The following EPHA6 variants were observed in gnomAD, a reference collection of about 807,000 sequenced individuals.
The protein encoded by EPHA6 is EPH receptor A6.
A neutral mutation model predicts 112.0 loss-of-function variants in EPHA6; 50 were observed. The ratio of observed to expected loss-of-function variants is 0.45; its 90% CI spans 0.36 to 0.56. EPHA6 has a LOEUF of 0.56. Among genes scored for constraint, EPHA6 ranks in the 20% least tolerant of loss-of-function variants. The pLI is 0.00. For synonymous variants in EPHA6, 529 were observed against 490.7 expected (o/e 1.08, Z -1.03); for missense variants, 1,280 against 1,417.4 (o/e 0.90, Z 1.56).
At position 96,814,757 on chromosome 3, in the gene EPHA6, G is replaced by A; in HGVS notation, c.134G>A (p.Arg45His). The change falls in exon 1 of 18, where the codon CGC (arginine) becomes CAC (histidine). Residue 45 changes from arginine to histidine, a missense_variant. By Grantham distance (29) the Arg-to-His change is conservative. Coordinates refer to ENST00000389672, the MANE Select transcript of EPHA6 (RefSeq NM_001080448.3). Reference protein sequence around the residue: ...CPVPGTSRRGRPGTPPAGRVE... With the variant: ...CPVPGTSRRGHPGTPPAGRVE... ...GTTCCCGGGACCTCGCGCAGGGGGC[G>A]CCCCGGGACACCCCCTGCGGGCCGG... 6.3e-7 allele frequency: 1 copy of A among 1,595,986 alleles called. No individual in the cohort carries two copies.
At chr3:97,046,105 A>C (rs1021527778) in intron 3 of EPHA6, among the ~76,000 whole-genome samples, 1 of 152,234 alleles carries the variant, frequency 6.6e-6, no homozygotes, top group African/African-American at 2.4e-5. Flanking sequence ...TAAGCTTAAC[A>C]CCTACTTTAC....
intron 3 of EPHA6, among the ~76,000 whole-genome samples, chr3:97,119,973 C>T (rs1034919064): frequency 3.9e-5 from 6 of 151,982 alleles, no homozygotes; most frequent in Admixed American, 3.3e-4. Context: ...GAGTTGCAGC[C>T]TTGTCTCATA....
chr3:97,489,911 A>G (rs1351213391), intron 10 of EPHA6, among the ~76,000 whole-genome samples: 1 of 152,136 alleles, frequency 6.6e-6, no homozygotes, highest in Non-Finnish European at 1.5e-5. Flanking sequence ...CTGTATATCA[A>G]TTTAATAGAC....
At chr3:96,877,496 A>G (rs1559793465) in intron 2 of EPHA6, among the ~76,000 whole-genome samples, 1 of 152,038 alleles carries the variant, frequency 6.6e-6, no homozygotes, top group Non-Finnish European at 1.5e-5. Flanking sequence ...GGAATTATTC[A>G]CCCCAGGTGG....
chr3:97,244,399 A>G, intron 5 of EPHA6, 112 bp downstream of exon 5: 2 of 845,504 alleles, frequency 2.4e-6, no homozygotes, highest in East Asian at 4.9e-5. Context: ...TACGTTATAC[A>G]CTGCAGAGGT....
At chr3:97,197,084 G>A (rs984170370) in intron 3 of EPHA6, among the ~76,000 whole-genome samples, 3 of 152,052 alleles carry the variant, frequency 2.0e-5, no homozygotes, top group African/African-American at 4.8e-5. Flanking sequence ...CTCTCCCTGA[G>A]CCCAGCAGAT....
intron 2 of EPHA6, among the ~76,000 whole-genome samples, chr3:96,984,214 C>T (rs921611410): frequency 5.9e-5 from 9 of 152,140 alleles, no homozygotes; most frequent in Admixed American, 1.3e-4. Context: ...ATGATGGTGA[C>T]GTGCAGATGG....
chr3:97,079,422 G>T (rs1459673256), intron 3 of EPHA6, among the ~76,000 whole-genome samples: 1 of 151,992 alleles, frequency 6.6e-6, no homozygotes, highest in Non-Finnish European at 1.5e-5. Context: ...CACATTGAGG[G>T]GAACAAAACA....
intron 12 of EPHA6, among the ~76,000 whole-genome samples, chr3:97,600,025 G>A (rs1235386497): frequency 6.6e-6 from 1 of 151,464 alleles, no homozygotes; most frequent in East Asian, 1.9e-4. Flanking sequence ...TCTCTTTGAA[G>A]CAATTGTGAA....
intron 6 of EPHA6, among the ~76,000 whole-genome samples, chr3:97,411,727 A>G (rs1168967401): frequency 6.6e-6 from 1 of 152,068 alleles, no homozygotes; most frequent in Non-Finnish European, 1.5e-5. Flanking sequence ...AAATTTACTT[A>G]ATGTGAGTTT....
At chr3:96,928,263 G>A (rs1292058023) in intron 2 of EPHA6, among the ~76,000 whole-genome samples, 1 of 152,166 alleles carries the variant, frequency 6.6e-6, no homozygotes, top group Non-Finnish European at 1.5e-5. Flanking sequence ...TGAGCATTTA[G>A]TGCTATAAAT....
intron 2 of EPHA6, among the ~76,000 whole-genome samples, chr3:96,973,971 A>G (rs1308558753): frequency 6.8e-6 from 1 of 146,056 alleles, no homozygotes; most frequent in Non-Finnish European, 1.5e-5. Flanking sequence ...TACATATTAT[A>G]ACAGAATCTT....
At chr3:97,181,498 G>A (rs1472617022) in intron 3 of EPHA6, among the ~76,000 whole-genome samples, 1 of 151,954 alleles carries the variant, frequency 6.6e-6, no homozygotes, top group Non-Finnish European at 1.5e-5. Flanking sequence ...TGCAAAGTAA[G>A]TCATGCATGA....
chr3:97,487,731 A>G (rs993303320), intron 10 of EPHA6, among the ~76,000 whole-genome samples: 1 of 151,720 alleles, frequency 6.6e-6, no homozygotes, highest in African/African-American at 2.4e-5. Flanking sequence ...ATCTTTGTTC[A>G]TCAATATTGG....
At chr3:97,513,222 G>A (rs1422945300) in intron 10 of EPHA6, among the ~76,000 whole-genome samples, 1 of 152,148 alleles carries the variant, frequency 6.6e-6, no homozygotes, top group Non-Finnish European at 1.5e-5. Flanking sequence ...GTGCAGCCAT[G>A]GTAGACAACA....
At chr3:97,587,615 T>C (rs2093502797) in intron 11 of EPHA6, among the ~76,000 whole-genome samples, 1 of 152,198 alleles carries the variant, frequency 6.6e-6, no homozygotes, top group African/African-American at 2.4e-5. Context: ...TGGCCAGGTT[T>C]GCTATGATAT....
At chr3:97,068,622 A>T (rs1036278716) in intron 3 of EPHA6, among the ~76,000 whole-genome samples, 1 of 152,058 alleles carries the variant, frequency 6.6e-6, no homozygotes, top group East Asian at 1.9e-4. Context: ...ACACTCACAC[A>T]CACACACACA....
chr3:97,602,325 C>T (rs1451685989), intron 12 of EPHA6, among the ~76,000 whole-genome samples: 1 of 152,014 alleles, frequency 6.6e-6, no homozygotes, highest in East Asian at 1.9e-4. Context: ...GAACGTTTTA[C>T]AGCTTTGTAG....
intron 6 of EPHA6, among the ~76,000 whole-genome samples, chr3:97,421,002 C>T (rs2088577582): frequency 6.6e-6 from 1 of 151,962 alleles, no homozygotes; most frequent in African/African-American, 2.4e-5. Context: ...TTCATGTATA[C>T]CATCTATTCT....
Sources: allele counts gnomAD v4.1 joint callset (sites outside exome capture counted in the v4.1 genomes callset), GRCh38; gene constraint gnomAD v4.1.1; transcripts MANE v1.5; gene names NCBI Gene and HGNC (gene_info 2026-07-23, HGNC 2026-07-21).